Variants in SPATA13 observed in about 807,000 individuals in gnomAD.
SPATA13 encodes spermatogenesis associated 13.
A neutral mutation model predicts 104.0 loss-of-function variants in SPATA13; 50 were observed. The ratio of observed to expected loss-of-function variants is 0.48; its 90% CI spans 0.38 to 0.61. The LOEUF (loss-of-function observed/expected upper bound fraction) is 0.61. SPATA13 is among the 20% of genes least tolerant of loss of function. The pLI is 0.00. For missense variants in SPATA13, 1,524 were observed against 1,690.6 expected, an observed-to-expected ratio of 0.90 and a Z score of 1.73; for synonymous variants, 606 against 667.5, an observed-to-expected ratio of 0.91 and a Z score of 1.42.
intron 3 of SPATA13, among the ~76,000 whole-genome samples, chr13:24,058,137 T>C (rs553896789): frequency 6.6e-6 from 1 of 152,008 alleles, no homozygotes; most frequent in East Asian, 1.9e-4. Context: ...TTTACATAAT[T>C]ATGAGGCTAC....
At chr13:24,128,667 C>T (rs1881296625) in intron 3 of SPATA13, among the ~76,000 whole-genome samples, 1 of 151,510 alleles carries the variant, frequency 6.6e-6, no homozygotes, top group Non-Finnish European at 1.5e-5. Context: ...AAACAGGACT[C>T]CCGGGAGCAA....
chr13:24,125,673 C>G (rs551686637), intron 3 of SPATA13, among the ~76,000 whole-genome samples: 1 of 152,030 alleles, frequency 6.6e-6, no homozygotes, highest in East Asian at 1.9e-4. Context: ...AAGGGATGGA[C>G]GTTTTTGTTG....
Position 24,160,926 on chromosome 13 carries a change from G to C in SPATA13, c.-118G>C, listed in dbSNP as rs1449647459. The C allele has an allele frequency of 2.0e-6, 2 of 985,664 alleles. No homozygotes were observed. The highest frequency in any genetic ancestry group is 3.5e-5 in the African/African-American group (2 of 57,250). 61.1% of individuals were successfully genotyped at this position (985,664 alleles called of 1,614,324 possible). ...TTTGTAGGCTCCGCCAAGAGGCGCCGCAGGAGGTAAGACGGCTTCGGGCGC... is the reference window on the plus strand; with the variant it reads ...TTTGTAGGCTCCGCCAAGAGGCGCCCCAGGAGGTAAGACGGCTTCGGGCGC... On this transcript the variant is annotated 5_prime_UTR_variant, in exon 1 of 13. Transcript: ENST00000382108.
intron 3 of SPATA13, among the ~76,000 whole-genome samples, chr13:24,070,857 T>G (rs1196887109): frequency 1.3e-5 from 2 of 152,126 alleles, no homozygotes; most frequent in African/African-American, 4.8e-5. Flanking sequence ...CAGCTCTTCC[T>G]GGATCTCAGA....
At chr13:24,096,823 G>A (rs982808708) in intron 3 of SPATA13, among the ~76,000 whole-genome samples, 28 of 152,256 alleles carry the variant, frequency 1.8e-4, no homozygotes, top group African/African-American at 4.3e-4. Flanking sequence ...GTGCAGAGCC[G>A]GAAGAATCAT....
At chr13:24,263,378 T>TG in intron 4 of SPATA13, among the ~76,000 whole-genome samples, 1 of 152,204 alleles carries the variant, frequency 6.6e-6, no homozygotes, top group East Asian at 1.9e-4. Flanking sequence ...CCGTGAGCCT[T>TG]GCCACGTTCC....
chr13:24,148,758 CT>C (rs1398721120), intron 3 of SPATA13, among the ~76,000 whole-genome samples: 1 of 152,170 alleles, frequency 6.6e-6, no homozygotes, highest in East Asian at 1.9e-4. Context: ...AGTAAAACAC[CT>C]AAACAGGAGC....
chr13:24,264,641 C>T (rs955616510), intron 4 of SPATA13, among the ~76,000 whole-genome samples: 2 of 152,108 alleles, frequency 1.3e-5, no homozygotes, highest in African/African-American at 4.8e-5. Context: ...TCTATTAAGA[C>T]AAAGAAAAAA....
At chr13:24,155,170 C>G (rs1399383948) in intron 3 of SPATA13, among the ~76,000 whole-genome samples, 1 of 152,120 alleles carries the variant, frequency 6.6e-6, no homozygotes, top group African/African-American at 2.4e-5. Context: ...TTCTATATTA[C>G]AGATGAAGAA....
intron 3 of SPATA13, among the ~76,000 whole-genome samples, chr13:24,127,395 C>T (rs1881253606): frequency 1.3e-5 from 2 of 152,210 alleles, no homozygotes; most frequent in African/African-American, 4.8e-5. Context: ...CTCTCTCCCT[C>T]CAGTTCCCTG....
At chr13:24,030,835 C>T (rs9580831) in intron 3 of SPATA13, among the ~76,000 whole-genome samples, 15,176 of 152,160 alleles carry the variant, frequency 0.1, 1,293 homozygotes, top group African/African-American at 0.22. Flanking sequence ...TGGAAAAGAC[C>T]TTTATGTAGG....
At position 24,223,762 on chromosome 13, in the gene SPATA13, G is replaced by T. The variant is rs1343487475; in HGVS notation, c.833G>T (p.Arg278Met). The change falls in exon 2 of 13, where the codon AGG becomes ATG. Residue 278 changes from arginine to methionine, a missense_variant. This residue lies in a region of SPATA13 where 1,089 missense variants were observed against 1,135.9 expected (regional missense o/e 0.96). Coordinates refer to ENST00000382108, the MANE Select transcript of SPATA13 (RefSeq NM_001166271.3). ...RKSTSNLADL[R>M]TAHDARVPQR... ...TCCACCTCCAATCTTGCAGACCTCAGGACGGCCCATGACGCACGGGTACCA... is the reference window on the plus strand; with the variant it reads ...TCCACCTCCAATCTTGCAGACCTCATGACGGCCCATGACGCACGGGTACCA... The T allele has an allele frequency of 1.3e-6, 2 of 1,551,786 alleles. No individual in the cohort carries two copies. The highest frequency in any genetic ancestry group is 8.7e-7 in the Non-Finnish European group (1 of 1,147,028).
At chr13:24,046,889 G>T (rs2137736340) in intron 3 of SPATA13, among the ~76,000 whole-genome samples, 1 of 152,210 alleles carries the variant, frequency 6.6e-6, no homozygotes, top group South Asian at 2.1e-4. Flanking sequence ...CACTGAGACA[G>T]CGGTATTGCA....
intron 1 of SPATA13, among the ~76,000 whole-genome samples, chr13:24,213,937 G>A (rs1871156750): frequency 6.6e-6 from 1 of 152,202 alleles, no homozygotes; most frequent in African/African-American, 2.4e-5. Flanking sequence ...GAATCTGAAG[G>A]CATGTATGAT....
At chr13:24,094,429 G>A (rs76457539) in intron 3 of SPATA13, among the ~76,000 whole-genome samples, 170 of 152,292 alleles carry the variant, frequency 1.1e-3, no homozygotes, top group Non-Finnish European at 2.1e-3. Flanking sequence ...CTGTCCCATC[G>A]CAAGATATCT....
At chr13:24,108,568 C>A (rs1176083050) in intron 3 of SPATA13, among the ~76,000 whole-genome samples, 6 of 152,158 alleles carry the variant, frequency 3.9e-5, no homozygotes, top group Non-Finnish European at 7.3e-5. Flanking sequence ...ACCCTTGCAG[C>A]CAGGATTCTC....
At chr13:24,288,069 G>C (rs1876088835) in intron 7 of SPATA13, among the ~76,000 whole-genome samples, 1 of 152,206 alleles carries the variant, frequency 6.6e-6, no homozygotes, top group Admixed American at 6.5e-5. Flanking sequence ...AAAGAAGCAG[G>C]TCTGCAGTGC....
rs934016610 is a variant in SPATA13, at chr13:24,051,609, C to T, written c.-112+33908C>T. Among the ~76,000 whole-genome samples, 1 of 152,024 alleles carries T rather than the reference C, an allele frequency of 6.6e-6. No individual in the cohort carries two copies. Among genetic ancestry groups the T allele is most frequent in the Non-Finnish European group, 1.5e-5 (1 of 68,026 alleles). Reference sequence around the variant, plus strand: ...TCCCTGCTGGTCTAGTAGAGTGGAGCCAGCGGAGACAATGCTCCCTGTTTG... The same window carrying T: ...TCCCTGCTGGTCTAGTAGAGTGGAGTCAGCGGAGACAATGCTCCCTGTTTG... On this transcript the variant is annotated intron_variant, in intron 3 of 14. Transcript: ENST00000424834. This position sits in a 1 kb window ranked among gnomAD's most constrained non-coding sequence, Gnocchi z 4.2.
chr13:24,163,973 A>T lies in SPATA13; in HGVS notation c.-112+3041A>T, dbSNP rs1158399559. On this transcript the variant is annotated intron_variant, in intron 1 of 12. Transcript: ENST00000382108. Reference sequence around the variant, plus strand: ...CATTTAAGAAATGTTTGCCTATGAGACATGTAATAGCATAAATGGGATCAT... The same window carrying T: ...CATTTAAGAAATGTTTGCCTATGAGTCATGTAATAGCATAAATGGGATCAT... Among the ~76,000 whole-genome samples, 14 of 152,222 alleles carry T rather than the reference A, an allele frequency of 9.2e-5. 1 individual carries two copies. The highest frequency in any genetic ancestry group is 1.8e-4 in the Non-Finnish European group (12 of 68,044).
Sources: gnomAD v4.1 joint callset for allele counts (sites outside exome capture counted in the v4.1 genomes callset) on GRCh38, gnomAD v4.1.1 for gene constraint, gnomAD v4.1.1 regional missense constraint, Gnocchi (gnomAD v3.1) non-coding constraint, MANE v1.5 for transcripts, NCBI Gene and HGNC (gene_info 2026-07-23, HGNC 2026-07-21) for gene names.